MYO1B: variants seen among roughly 807,000 people sequenced by gnomAD.
MYO1B encodes the protein myosin IB.
In MYO1B, 72 loss-of-function variants were observed where a neutral mutation model predicts 159.7. The observed-to-expected ratio is 0.45, with a 90% CI of 0.37 to 0.55. MYO1B has a LOEUF of 0.55. Among genes scored for constraint, MYO1B ranks in the 20% least tolerant of loss-of-function variants. The probability of loss-of-function intolerance (pLI) is 0.00; values close to 1 mark genes in which losing one functional copy is unlikely to be tolerated. For synonymous variants in MYO1B, 468 were observed against 473.8 expected (o/e 0.99, Z 0.16); for missense variants, 1,062 against 1,364.8 (o/e 0.78, Z 3.50).
intron 1 of MYO1B, among the ~76,000 whole-genome samples, chr2:191,271,907 A>G (rs555263377): frequency 4.6e-5 from 7 of 152,272 alleles, no homozygotes; most frequent in African/African-American, 1.7e-4. Flanking sequence ...ATGTTGACAT[A>G]TGGTAGGTGG....
chr2:191,333,687 A>ATC (rs1038983298), intron 4 of MYO1B, among the ~76,000 whole-genome samples: 4 of 150,596 alleles, frequency 2.7e-5, no homozygotes, highest in South Asian at 2.1e-4. Flanking sequence ...GCTTGTTCAA[A>ATC]TCTCTCTCTC....
At chr2:191,357,513 T>G (rs1693379268) in intron 7 of MYO1B, among the ~76,000 whole-genome samples, 1 of 152,218 alleles carries the variant, frequency 6.6e-6, no homozygotes, top group African/African-American at 2.4e-5. Context: ...AAACTTAAAT[T>G]TGTATCTTGT....
At chr2:191,298,439 A>G (rs1246359442) in intron 3 of MYO1B, among the ~76,000 whole-genome samples, 1 of 152,202 alleles carries the variant, frequency 6.6e-6, no homozygotes, top group Non-Finnish European at 1.5e-5. Context: ...TTCTCAAAGT[A>G]TGGTGCTTGG....
chr2:191,372,980 G>T (rs1410901422), intron 13 of MYO1B, among the ~76,000 whole-genome samples: 3 of 144,902 alleles, frequency 2.1e-5, no homozygotes, highest in Middle Eastern at 3.5e-3. Flanking sequence ...TCTGCCTCCA[G>T]GGTTCAAGTG....
rs541752133 is a variant in MYO1B at position 191,386,030 on chromosome 2, C to T, written c.1500C>T (p.Leu500=). The T allele has an allele frequency of 4.3e-6, 7 of 1,614,110 alleles. No individual in the cohort carries two copies. In the South Asian group the frequency reaches 4.4e-5, roughly 10 times the overall value. ...GGATGAGCAAGTGCTCTCGGTTCCT[C>T]AATGACACGTCTCTGCCTCACAGCT... The part of the protein sequence containing the change: ...ESRMSKCSRF[L]NDTSLPHSCF... Residue 500 remains leucine, a synonymous_variant, in exon 16 of 31, where the codon CTC becomes CTT. Transcript: ENST00000392318.
intron 27 of MYO1B, among the ~76,000 whole-genome samples, chr2:191,413,419 A>G (rs1162093553): frequency 6.6e-5 from 10 of 152,152 alleles, no homozygotes; most frequent in Non-Finnish European, 1.5e-4. Context: ...TATGAGCACC[A>G]CTGTAAAGCT....
intron 16 of MYO1B, 85 bp downstream of exon 16, chr2:191,386,169 C>G (rs4426474): frequency 2.9e-5 from 37 of 1,273,916 alleles, no homozygotes; most frequent in Non-Finnish European, 4.0e-5. Context: ...CGTTCGAAAC[C>G]CCATTAACTT....
At chr2:191,377,565 C>G (rs1694786550) in intron 13 of MYO1B, 1 of 152,096 alleles carries the variant, frequency 6.6e-6, no homozygotes, top group South Asian at 2.1e-4. Context: ...TGGGGCCTTC[C>G]TATTCATCTG....
intron 4 of MYO1B, among the ~76,000 whole-genome samples, chr2:191,336,577 C>A (rs1691859499): frequency 6.6e-6 from 1 of 152,126 alleles, no homozygotes; most frequent in Non-Finnish European, 1.5e-5. Context: ...TTGTGACTTC[C>A]CTTGTAACAA....
In MYO1B at chr2:191,369,030, A is replaced by G. The variant is rs531728639; in HGVS notation, c.1033-512A>G. Among the ~76,000 whole-genome samples, 6 of 152,324 alleles carry G rather than the reference A, an allele frequency of 3.9e-5. No individual in the cohort carries two copies. The South Asian group carries it at 8.3e-4, about 21-fold the overall frequency. ...TGAAGAAAAAAAATTTGCAGATTCC[A>G]TCAGTCAAAGCCATTTTCATATATC... On this transcript the variant is annotated intron_variant, in intron 11 of 30. Transcript: ENST00000392318.
chr2:191,398,837 A>G (rs908800668), intron 21 of MYO1B, among the ~76,000 whole-genome samples: 1 of 152,060 alleles, frequency 6.6e-6, no homozygotes, highest in Non-Finnish European at 1.5e-5. Context: ...GGCCAGGCAG[A>G]GACGCTCCTC....
chr2:191,411,613 G>A (rs1350882449), intron 27 of MYO1B, among the ~76,000 whole-genome samples: 1 of 152,186 alleles, frequency 6.6e-6, no homozygotes, highest in African/African-American at 2.4e-5. Flanking sequence ...GAAAGAGCGA[G>A]CCAGGACAGT....
chr2:191,402,652 C>T lies in MYO1B; in HGVS notation c.2490C>T (p.Arg830=), dbSNP rs770052311. 8.7e-6 allele frequency: 14 copies of T among 1,613,630 alleles called. No homozygotes were observed. Among genetic ancestry groups the T allele is most frequent in the Non-Finnish European group, 1.2e-5 (14 of 1,179,770 alleles). ...TCTAGGCTCGAAGGGAATTGAAACG[C>T]TTGAAGGAGGAGGCTAGGCGTAAGC... is the stretch of plus-strand genomic sequence containing the variant. ...LGSKARRELK[R]LKEEARRKHA... The change falls in exon 24 of 31, where the codon CGC becomes CGT. Residue 830 remains arginine, a synonymous_variant. Transcript: ENST00000392318.
At chr2:191,330,232 A>C (rs1691380626) in intron 4 of MYO1B, among the ~76,000 whole-genome samples, 1 of 152,172 alleles carries the variant, frequency 6.6e-6, no homozygotes, top group African/African-American at 2.4e-5. Context: ...GATTCCAACC[A>C]ATATGAAGTC....
intron 7 of MYO1B, among the ~76,000 whole-genome samples, chr2:191,356,540 T>C (rs1693303001): frequency 6.6e-6 from 1 of 152,176 alleles, no homozygotes; most frequent in South Asian, 2.1e-4. Context: ...TTGTTCTTCA[T>C]ACAAACATAC....
intron 2 of MYO1B, among the ~76,000 whole-genome samples, chr2:191,291,593 A>C (rs1688691743): frequency 6.6e-6 from 1 of 152,074 alleles, no homozygotes; most frequent in Non-Finnish European, 1.5e-5. Flanking sequence ...CATGGACCTG[A>C]GGGCTTAGGG....
At chr2:191,373,695 A>G (rs957907918) in intron 13 of MYO1B, among the ~76,000 whole-genome samples, 28 of 152,194 alleles carry the variant, frequency 1.8e-4, no homozygotes, top group African/African-American at 6.5e-4. Context: ...AAATCGCTTG[A>G]ACCTGGGAGG....
At chr2:191,418,227 T>C (rs1697698188) in intron 30 of MYO1B, among the ~76,000 whole-genome samples, 1 of 152,202 alleles carries the variant, frequency 6.6e-6, no homozygotes. Context: ...AGGGAGCATT[T>C]TGAATTTAAA....
chr2:191,386,835 A>T (rs1695427353), intron 16 of MYO1B, among the ~76,000 whole-genome samples: 2 of 152,170 alleles, frequency 1.3e-5, no homozygotes, highest in South Asian at 2.1e-4. Flanking sequence ...TATTTATGAA[A>T]GTGTTAGTAT....
Sources: gnomAD v4.1 joint callset for allele counts (sites outside exome capture counted in the v4.1 genomes callset) on GRCh38, gnomAD v4.1.1 for gene constraint, MANE v1.5 for transcripts, NCBI Gene and HGNC (gene_info 2026-07-23, HGNC 2026-07-21) for gene names.